Variants in KCNG1 observed in about 807,000 individuals in gnomAD.
The protein encoded by KCNG1 is potassium voltage-gated channel modifier subfamily G member 1.
KCNG1 carries 17 observed loss-of-function variants against 32.4 expected under a neutral mutation model. That is an observed-to-expected ratio of 0.52 (90% CI 0.36 to 0.79). The LOEUF (loss-of-function observed/expected upper bound fraction) is 0.79. Among genes scored for constraint, KCNG1 ranks in the 30% least tolerant of loss-of-function variants. The pLI, the probability that KCNG1 is intolerant of heterozygous loss-of-function variation, is 0.00. For synonymous variants in KCNG1, 358 were observed against 339.9 expected (o/e 1.05, Z -0.59); for missense variants, 441 against 735.2 (o/e 0.60, Z 4.63).
rs559458548 is a variant in KCNG1, at chr20:51,019,513, AAAT to A, written c.-27+3354_-27+3356del. Among the ~76,000 whole-genome samples, 8 of 151,756 alleles carry A rather than the reference AAAT, an allele frequency of 5.3e-5. 1 individual carries two copies. The highest frequency in any genetic ancestry group is 1.5e-4 in the African/African-American group (6 of 41,328). ...TGATAGAGCAAGACCCTGTCTTCAAAAATAATAATAATAATAATAATAAATTTA... is the reference window on the plus strand; with the variant it reads ...TGATAGAGCAAGACCCTGTCTTCAAAAATAATAATAATAATAATAAATTTA... On this transcript the variant is annotated intron_variant, in intron 1 of 2. Coordinates refer to ENST00000371571, the MANE Select transcript of KCNG1 (RefSeq NM_002237.4).
At chr20:51,006,685 A>AC (rs1162663640) in intron 2 of KCNG1, 3 of 152,234 alleles carry the variant, frequency 2.0e-5, no homozygotes, top group Admixed American at 2.0e-4. Flanking sequence ...GGCATGTGCT[A>AC]CCACGTCCGG....
intron 1 of KCNG1, among the ~76,000 whole-genome samples, chr20:51,020,098 G>A (rs529558763): frequency 2.0e-5 from 3 of 152,274 alleles, no homozygotes; most frequent in East Asian, 3.9e-4. Flanking sequence ...GCCCCCAAAT[G>A]AGAAAAAGTG....
rs759168251 is a variant in KCNG1, at chr20:51,010,321, T to G, written c.18A>C (p.Gly6=). The change falls in exon 2 of 3, where the codon GGA becomes GGC. Residue 6 remains glycine, a synonymous_variant. Transcript: ENST00000371571. ...CGCTGTAGTCGTAGTCAGAATTGTCTCCCGGTAAGAGGGTCATTTTGGGCC... is the reference window on the plus strand; with the variant it reads ...CGCTGTAGTCGTAGTCAGAATTGTCGCCCGGTAAGAGGGTCATTTTGGGCC... MTLLP[G]DNSDYDYSAL... The G allele has an allele frequency of 6.6e-7, 1 of 1,504,814 alleles. No individual in the cohort carries two copies. Among genetic ancestry groups the G allele is most frequent in the Admixed American group, 2.3e-5 (1 of 44,404 alleles). The allele number at this position is 1,504,814 out of a possible 1,614,324, so 93.2% of individuals were successfully genotyped here. A position where few individuals can be genotyped will look rare whatever the true frequency, so the allele number is the denominator to read the frequency against.
Position 51,009,752 on chromosome 20 carries a change from C to A in KCNG1, c.587G>T (p.Ser196Ile), listed in dbSNP as rs541520023. 3.7e-5 allele frequency: 60 copies of A among 1,609,110 alleles called. No homozygotes were observed. The highest frequency in any genetic ancestry group is 5.0e-5 in the Non-Finnish European group (59 of 1,179,536). The change falls in exon 2 of 3, where the codon AGC becomes ATC. Residue 196 changes from serine (S) to isoleucine (I), a missense_variant. Physicochemically the swap from Ser to Ile is moderately radical, Grantham distance 142. This residue lies in a region of KCNG1 where 52 missense variants were observed against 50.3 expected (regional missense o/e 1.03). Coordinates refer to ENST00000371571, the MANE Select transcript of KCNG1 (RefSeq NM_002237.4). Reference protein sequence around the residue: ...DDALDSEGRDSEGPAEGEGRL... With the variant: ...DDALDSEGRDIEGPAEGEGRL... ...GCCCTCGCCCTCGGCCGGGCCCTCG[C>A]TGTCGCGGCCCTCGCTGTCCAGCGC...
At position 51,003,812 on chromosome 20, in the gene KCNG1, GA is replaced by G. The variant is rs1450110356; in HGVS notation, c.*226del. 2 of 546,358 alleles carry G rather than the reference GA, an allele frequency of 3.7e-6. No individual in the cohort carries two copies. The highest frequency in any genetic ancestry group is 3.2e-6 in the Non-Finnish European group (1 of 308,054). 33.8% of individuals were successfully genotyped at this position (546,358 alleles called of 1,614,324 possible). On this transcript the variant is annotated 3_prime_UTR_variant, in exon 3 of 3. Coordinates refer to ENST00000371571, the MANE Select transcript of KCNG1 (RefSeq NM_002237.4). ...CTGGGGTGGGCGGGGCTGGGCTGAT[GA>G]CCCAGCTTCCTTTCACGGCTGCAGG... is the stretch of plus-strand genomic sequence containing the variant.
intron 1 of KCNG1, among the ~76,000 whole-genome samples, chr20:51,017,311 CAG>C (rs1225853895): frequency 1.3e-5 from 2 of 152,214 alleles, no homozygotes; most frequent in Non-Finnish European, 2.9e-5. Context: ...GAAAAAGAAA[CAG>C]AAGTTTCTAG....
intron 1 of KCNG1, among the ~76,000 whole-genome samples, chr20:51,018,173 A>T (rs773442794): frequency 2.0e-5 from 3 of 152,104 alleles, no homozygotes; most frequent in Non-Finnish European, 2.9e-5. Flanking sequence ...AATGGGATGG[A>T]GTGAAGGTCC....
intron 1 of KCNG1, among the ~76,000 whole-genome samples, chr20:51,020,998 T>C (rs1164781524): frequency 1.3e-5 from 2 of 152,330 alleles, no homozygotes; most frequent in Admixed American, 1.3e-4. Flanking sequence ...CTGCCTCCCA[T>C]GTCACATCTC....
At chr20:51,008,067 T>C (rs1987907036) in intron 2 of KCNG1, 1 of 152,206 alleles carries the variant, frequency 6.6e-6, no homozygotes. Context: ...ATATTTACGT[T>C]CAGTTCACAC....
chr20:51,008,569 G>T (rs1987929658), intron 2 of KCNG1, among the ~76,000 whole-genome samples: 2 of 152,188 alleles, frequency 1.3e-5, no homozygotes, highest in African/African-American at 4.8e-5. Flanking sequence ...CTGGGCTCAA[G>T]CGATCCTTCT....
Position 51,004,114 on chromosome 20 carries a change from C to A in KCNG1, c.1467G>T (p.Lys489Asn). 1 of 1,614,240 alleles carries A rather than the reference C, an allele frequency of 6.2e-7. No individual in the cohort carries two copies. The highest frequency in any genetic ancestry group is 1.1e-5 in the South Asian group (1 of 91,088). ...TGTCCTGGGACACGCTCAGCTGCGA[C>A]TTGGTTTTGATGAGGAACTGCGCCC... The part of the protein sequence containing the change: ...FRRAQFLIKT[K>N]SQLSVSQDSD... Residue 489 changes from lysine to asparagine, a missense_variant, in exon 3 of 3, where the codon AAG (lysine) becomes AAT (asparagine). By Grantham distance (94) the Lys-to-Asn change is moderately conservative. Coordinates refer to ENST00000371571, the MANE Select transcript of KCNG1 (RefSeq NM_002237.4). The surrounding 1 kb of genome is among the most constrained non-coding windows in gnomAD (Gnocchi z 4.3).
At position 51,009,754 on chromosome 20, in the gene KCNG1, G is replaced by C. The variant is rs1014552955; in HGVS notation, c.585C>G (p.Asp195Glu). The change falls in exon 2 of 3, where the codon GAC becomes GAG. Residue 195 changes from aspartate to glutamate, a missense_variant. This residue lies in a region of KCNG1 where 52 missense variants were observed against 50.3 expected (regional missense o/e 1.03). Coordinates refer to ENST00000371571, the MANE Select transcript of KCNG1 (RefSeq NM_002237.4). ...EDDALDSEGR[D>E]SEGPAEGEGR... ...CCTCGCCCTCGGCCGGGCCCTCGCTGTCGCGGCCCTCGCTGTCCAGCGCGT... is the reference window on the plus strand; with the variant it reads ...CCTCGCCCTCGGCCGGGCCCTCGCTCTCGCGGCCCTCGCTGTCCAGCGCGT... The C allele has an allele frequency of 8.1e-6, 13 of 1,609,368 alleles. No homozygotes were observed. The Middle Eastern group carries it at 1.7e-3, about 204-fold the overall frequency.
chr20:51,009,545 C>T lies in KCNG1; in HGVS notation c.774+20G>A, dbSNP rs370855560. On this transcript the variant is annotated intron_variant, in intron 2 of 2. Transcript: ENST00000371571. ...CTTCCCTCGTGGTGGCGCGTTTCCC[C>T]GCGGGGCGTGGGCTCTTACCTGCTC... 9 of 1,566,784 alleles carry T rather than the reference C, an allele frequency of 5.7e-6. No homozygotes were observed. Among genetic ancestry groups the T allele is most frequent in the African/African-American group, 1.4e-5 (1 of 73,878 alleles).
intron 1 of KCNG1, among the ~76,000 whole-genome samples, chr20:51,017,191 T>C (rs1387483521): frequency 6.6e-6 from 1 of 152,124 alleles, no homozygotes; most frequent in Non-Finnish European, 1.5e-5. Flanking sequence ...GACAGGCAAG[T>C]CTTCGTAGAG....
In KCNG1 at chr20:51,020,802, G is replaced by A. The variant is rs184574602; in HGVS notation, c.-27+2068C>T. Among the ~76,000 whole-genome samples, 158 of 152,210 alleles carry A rather than the reference G, an allele frequency of 1.0e-3. 1 individual carries two copies. The highest frequency in any genetic ancestry group is 3.4e-3 in the African/African-American group (143 of 41,546). On this transcript the variant is annotated intron_variant, in intron 1 of 2. Coordinates refer to ENST00000371571, the MANE Select transcript of KCNG1 (RefSeq NM_002237.4). ...GAGTTCCTCGGAGCTGGTTTGCGTCGCTTAGCCCTGCATCCAGCACACATC... is the reference window on the plus strand; with the variant it reads ...GAGTTCCTCGGAGCTGGTTTGCGTCACTTAGCCCTGCATCCAGCACACATC...
intron 1 of KCNG1, among the ~76,000 whole-genome samples, chr20:51,020,181 A>C (rs1988424345): frequency 2.0e-5 from 3 of 152,282 alleles, no homozygotes; most frequent in Middle Eastern, 3.4e-3. Flanking sequence ...GGCAAGCAAA[A>C]TAACACCAAA....
intron 1 of KCNG1, among the ~76,000 whole-genome samples, chr20:51,018,720 T>C (rs1988366699): frequency 6.6e-6 from 1 of 152,202 alleles, no homozygotes; most frequent in Non-Finnish European, 1.5e-5. Context: ...AATACCCCCA[T>C]TTTACAAATG....
chr20:51,016,402 A>G (rs1601105225), intron 1 of KCNG1, among the ~76,000 whole-genome samples: 1 of 151,628 alleles, frequency 6.6e-6, no homozygotes, highest in African/African-American at 2.4e-5. Context: ...GTGCCATTGC[A>G]CTCCAGCCTG....
chr20:51,017,576 G>A (rs558899031), intron 1 of KCNG1, among the ~76,000 whole-genome samples: 7 of 152,170 alleles, frequency 4.6e-5, no homozygotes, highest in African/African-American at 1.4e-4. Flanking sequence ...AAAGAAAAAC[G>A]AAGAGCACAG....
Sources: gnomAD v4.1 joint callset for allele counts (sites outside exome capture counted in the v4.1 genomes callset) on GRCh38, gnomAD v4.1.1 for gene constraint, gnomAD v4.1.1 regional missense constraint, Gnocchi (gnomAD v3.1) non-coding constraint, MANE v1.5 for transcripts, NCBI Gene and HGNC (gene_info 2026-07-23, HGNC 2026-07-21) for gene names.